Variants in OTOA observed in about 807,000 individuals in gnomAD.
The protein encoded by OTOA is otoancorin, also known as cancer/testis antigen 108.
A neutral mutation model predicts 110.8 loss-of-function variants in OTOA; 70 were observed. The observed-to-expected ratio is 0.63, with a 90% CI of 0.52 to 0.77. OTOA has a LOEUF of 0.77. OTOA is among the 30% of genes least tolerant of loss of function. The probability of loss-of-function intolerance (pLI) is 0.00; values close to 1 mark genes in which losing one functional copy is unlikely to be tolerated. For missense variants in OTOA, 917 were observed against 1,075.8 expected (o/e 0.85, Z 2.06); for synonymous variants, 373 against 431.5 (o/e 0.86, Z 1.68).
At chr16:21,696,134 C>T (rs888557000) in intron 9 of OTOA, among the ~76,000 whole-genome samples, 16 of 151,784 alleles carry the variant, frequency 1.1e-4, no homozygotes, top group Admixed American at 3.3e-4. Context: ...ACCTTGTGAT[C>T]CACCTGCCTC....
chr16:21,668,079 C>A (rs1164326807), intron 1 of OTOA, among the ~76,000 whole-genome samples: 1 of 152,032 alleles, frequency 6.6e-6, no homozygotes, highest in Admixed American at 6.6e-5. Flanking sequence ...AATATCTAAT[C>A]AGGGGTTCAA....
At chr16:21,759,518 C>T (rs1173882256) in intron 28 of OTOA, among the ~76,000 whole-genome samples, 1 of 151,150 alleles carries the variant, frequency 6.6e-6, no homozygotes, top group East Asian at 1.9e-4. Context: ...CAGCTCCTGA[C>T]CTGATATAAT....
chr16:21,730,764 G>T (rs1425116409), intron 20 of OTOA, 73 bp from the exon 21 acceptor site: 3 of 944,400 alleles, frequency 3.2e-6, no homozygotes, highest in African/African-American at 3.2e-5. Context: ...AAAGAAAAGG[G>T]TGCTGGGGGA....
rs1488266131 is a variant in OTOA at position 21,714,983 on chromosome 16, A to G, written c.1321-2A>G. ...CTGACTGCGCAGCCGCTCCTCTTCCAGGTGCTGTCTTTCTACAATGTCAGC... is the reference window on the plus strand; with the variant it reads ...CTGACTGCGCAGCCGCTCCTCTTCCGGGTGCTGTCTTTCTACAATGTCAGC... On this transcript the variant is annotated splice_acceptor_variant, in intron 13 of 28. Coordinates refer to ENST00000646100, the MANE Select transcript of OTOA (RefSeq NM_144672.4). LOFTEE classifies it high-confidence loss of function. 1.9e-6 allele frequency: 3 copies of G among 1,614,130 alleles called. No homozygotes were observed. The highest frequency in any genetic ancestry group is 1.7e-5 in the Admixed American group (1 of 60,020).
At chr16:21,734,834 TAAAC>T (rs761248909) in intron 21 of OTOA, among the ~76,000 whole-genome samples, 4,885 of 149,776 alleles carry the variant, frequency 0.033, 273 homozygotes, top group African/African-American at 0.11. Flanking sequence ...AGACTCCGTC[TAAAC>T]AAACAAACAA....
chr16:21,699,027 T>G (rs936666653), intron 10 of OTOA, among the ~76,000 whole-genome samples: 1 of 152,206 alleles, frequency 6.6e-6, no homozygotes, highest in African/African-American at 2.4e-5. Flanking sequence ...CTCAGCTCAC[T>G]GCAACCTCCT....
intron 1 of OTOA, among the ~76,000 whole-genome samples, chr16:21,674,949 C>T (rs1230076423): frequency 1.2e-5 from 1 of 81,448 alleles, no homozygotes; most frequent in Admixed American, 1.8e-4. Context: ...TATGCCTTGG[C>T]GTGGCTTTAT....
Position 21,719,128 on chromosome 16 carries a change from C to T in OTOA, c.1630-5C>T, listed in dbSNP as rs215901. 0.65 allele frequency: 1,055,032 copies of T among 1,611,852 alleles called. 347,703 individuals carry two copies. Among genetic ancestry groups the T allele is most frequent in the Middle Eastern group, 0.72 (4,118 of 5,744 alleles). Reference sequence around the variant, plus strand: ...TCAGTGCTAACGATCATTCTCTTCTCGCAGGCTCTGTTCCTGTATGAGCTT... The same window carrying T: ...TCAGTGCTAACGATCATTCTCTTCTTGCAGGCTCTGTTCCTGTATGAGCTT... On this transcript the variant is annotated splice_region_variant and splice_polypyrimidine_tract_variant and intron_variant, in intron 15 of 28. Coordinates refer to ENST00000646100, the MANE Select transcript of OTOA (RefSeq NM_144672.4).
chr16:21,686,733 C>T (rs939656618), intron 7 of OTOA, among the ~76,000 whole-genome samples: 2 of 152,042 alleles, frequency 1.3e-5, no homozygotes, highest in African/African-American at 4.8e-5. Flanking sequence ...AAAACTCCAT[C>T]TCTACAAAAA....
intron 8 of OTOA, among the ~76,000 whole-genome samples, chr16:21,689,129 CG>C (rs1354992534): frequency 2.0e-5 from 3 of 152,072 alleles, no homozygotes; most frequent in Non-Finnish European, 4.4e-5. Context: ...TTGCAACCAC[CG>C]CCAACTCCCT....
intron 11 of OTOA, among the ~76,000 whole-genome samples, chr16:21,702,079 A>G (rs1281156222): frequency 2.7e-5 from 4 of 150,672 alleles, no homozygotes; most frequent in African/African-American, 9.8e-5. Flanking sequence ...CCTCCCAAGT[A>G]GCTGGGATTA....
chr16:21,728,439 G>A lies in OTOA; in HGVS notation c.2207+8G>A, dbSNP rs201231126. On this transcript the variant is annotated splice_region_variant and intron_variant, in intron 20 of 28. Transcript: ENST00000646100. Reference sequence around the variant, plus strand: ...GCTCCTGGGACAGTATGGGTGAGGAGCGGCTGGGTTTGGCTTTTGGTGGTG... The same window carrying A: ...GCTCCTGGGACAGTATGGGTGAGGAACGGCTGGGTTTGGCTTTTGGTGGTG... 6 of 1,613,122 alleles carry A rather than the reference G, an allele frequency of 3.7e-6. No homozygotes were observed. Among genetic ancestry groups the A allele is most frequent in the Admixed American group, 1.7e-5 (1 of 59,930 alleles).
At chr16:21,714,333 CTTTCT>C (rs1898462317) in intron 13 of OTOA, among the ~76,000 whole-genome samples, 2 of 118,888 alleles carry the variant, frequency 1.7e-5, no homozygotes, top group Non-Finnish European at 3.7e-5. Flanking sequence ...TCCTTCCTTC[CTTTCT>C]TTCTTTCTTT....
chr16:21,756,447 C>T (rs459377), intron 27 of OTOA, among the ~76,000 whole-genome samples: 3 of 149,036 alleles, frequency 2.0e-5, no homozygotes, highest in African/African-American at 2.4e-5. Context: ...CCAAAGCCCA[C>T]GGAGGCTGTG....
chr16:21,751,706 G>T (rs1186692420), intron 24 of OTOA, among the ~76,000 whole-genome samples: 1 of 116,430 alleles, frequency 8.6e-6, no homozygotes, highest in Non-Finnish European at 1.9e-5. Flanking sequence ...GGATGTAAGA[G>T]ATTCATTGCC....
chr16:21,724,870 G>A (rs1898866025), intron 18 of OTOA, among the ~76,000 whole-genome samples: 1 of 151,924 alleles, frequency 6.6e-6, no homozygotes, highest in Admixed American at 6.6e-5. Flanking sequence ...TCCGCCACCT[G>A]GGTTCAAGAG....
intron 7 of OTOA, among the ~76,000 whole-genome samples, chr16:21,685,708 G>T (rs1439320195): frequency 1.3e-5 from 2 of 152,078 alleles, no homozygotes; most frequent in Non-Finnish European, 2.9e-5. Context: ...GATTACAAGT[G>T]TGCACCACCA....
In OTOA at chr16:21,678,546, T is replaced by C. The variant is rs1294314919; in HGVS notation, c.32T>C (p.Phe11Ser). The C allele has an allele frequency of 6.2e-7, 1 of 1,613,944 alleles. No homozygotes were observed. ...CAGGAACCTACGACATACTCCCTTTTCCTATTCCTTTTTCTGAGCCATGGA... is the reference window on the plus strand; with the variant it reads ...CAGGAACCTACGACATACTCCCTTTCCCTATTCCTTTTTCTGAGCCATGGA... MSQEPTTYSL[F>S]LFLFLSHGVS... The change falls in exon 2 of 29, where the codon TTC (phenylalanine) becomes TCC (serine). Residue 11 changes from phenylalanine to serine, a missense_variant. By Grantham distance (155) the Phe-to-Ser change is radical (BLOSUM62 -2). Coordinates refer to ENST00000646100, the MANE Select transcript of OTOA (RefSeq NM_144672.4).
chr16:21,731,368 C>T (rs1899111652), intron 21 of OTOA, among the ~76,000 whole-genome samples: 1 of 152,152 alleles, frequency 6.6e-6, no homozygotes, highest in South Asian at 2.1e-4. Flanking sequence ...AGGAGTAAGG[C>T]TCCAGAAGTT....
Sources: allele counts gnomAD v4.1 joint callset (sites outside exome capture counted in the v4.1 genomes callset), GRCh38; gene constraint gnomAD v4.1.1; transcripts MANE v1.5; gene names NCBI Gene and HGNC (gene_info 2026-07-23, HGNC 2026-07-21).